GRID2: variants seen among roughly 807,000 people sequenced by gnomAD.
The protein encoded by GRID2 is glutamate ionotropic receptor delta type subunit 2.
GRID2 carries 33 observed loss-of-function variants against 114.8 expected under a neutral mutation model. The ratio of observed to expected loss-of-function variants is 0.29; its 90% CI spans 0.22 to 0.38. The LOEUF is 0.38. GRID2 is among the 10% of genes least tolerant of loss of function. GRID2 has a pLI of 1.00. For missense variants in GRID2, 1,184 were observed against 1,257.7 expected, an observed-to-expected ratio of 0.94 and a Z score of 0.89; for synonymous variants, 505 against 449.9, an observed-to-expected ratio of 1.12 and a Z score of -1.55.
intron 2 of GRID2, among the ~76,000 whole-genome samples, chr4:92,919,567 G>A (rs1206427073): frequency 2.6e-5 from 4 of 152,096 alleles, no homozygotes; most frequent in Non-Finnish European, 5.9e-5. Context: ...GTTCTCATTG[G>A]TTTCAAAGAA....
chr4:93,363,735 C>T (rs1762086531), intron 8 of GRID2, among the ~76,000 whole-genome samples: 1 of 151,948 alleles, frequency 6.6e-6, no homozygotes, highest in Non-Finnish European at 1.5e-5. Context: ...AACAATACTA[C>T]AACAATCTGT....
intron 8 of GRID2, among the ~76,000 whole-genome samples, chr4:93,316,235 T>C (rs562086649): frequency 1.6e-4 from 24 of 147,016 alleles, no homozygotes; most frequent in African/African-American, 3.0e-4. Context: ...CTTGTTGCAT[T>C]TCAACAAGGC....
In GRID2 at chr4:92,963,252, A is replaced by G. The variant is rs530043794; in HGVS notation, c.245-121743A>G. 2.8e-4 allele frequency among the ~76,000 whole-genome samples: 43 copies of G among 152,046 alleles called. No homozygotes were observed. In the South Asian group the frequency reaches 7.9e-3, roughly 28 times the overall value. ...AACAACAATGCAGTTTGCCTTATCA[A>G]TTGCCTCTTTGTTTCACAAAAGATT... is the stretch of plus-strand genomic sequence containing the variant. On this transcript the variant is annotated intron_variant, in intron 2 of 15. Coordinates refer to ENST00000282020, the MANE Select transcript of GRID2 (RefSeq NM_001510.4).
chr4:92,586,942 C>A (rs1019054959), intron 1 of GRID2, among the ~76,000 whole-genome samples: 1 of 151,870 alleles, frequency 6.6e-6, no homozygotes, highest in African/African-American at 2.4e-5. Context: ...TTTCTCCCCC[C>A]ATAAAAGGAA....
At chr4:93,118,772 G>T (rs137906522) in intron 4 of GRID2, among the ~76,000 whole-genome samples, 2 of 152,162 alleles carry the variant, frequency 1.3e-5, no homozygotes, top group Admixed American at 6.6e-5. Flanking sequence ...AGAAACTAAA[G>T]GTTATGATGA....
At chr4:93,375,102 C>G (rs892962486) in intron 8 of GRID2, among the ~76,000 whole-genome samples, 1 of 152,080 alleles carries the variant, frequency 6.6e-6, no homozygotes, top group Admixed American at 6.6e-5. Flanking sequence ...TAAACCGTAA[C>G]CTAATCCATC....
At chr4:93,420,939 G>C (rs970546241) in intron 9 of GRID2, among the ~76,000 whole-genome samples, 2 of 152,000 alleles carry the variant, frequency 1.3e-5, no homozygotes, top group African/African-American at 4.8e-5. Flanking sequence ...ATTTTTAGTA[G>C]AGACGGGGTT....
At chr4:93,761,575 C>CTAG (rs1196435187) in intron 14 of GRID2, among the ~76,000 whole-genome samples, 1 of 152,106 alleles carries the variant, frequency 6.6e-6, no homozygotes, top group Non-Finnish European at 1.5e-5. Context: ...GCTTGCTGAC[C>CTAG]TCTAGTCTAA....
chr4:92,569,643 T>C (rs534477097), intron 1 of GRID2, among the ~76,000 whole-genome samples: 2 of 152,158 alleles, frequency 1.3e-5, no homozygotes, highest in South Asian at 2.1e-4. Flanking sequence ...CTGTTGTTTA[T>C]TGACTTTTTA....
intron 14 of GRID2, among the ~76,000 whole-genome samples, chr4:93,695,844 C>A (rs1245518871): frequency 6.6e-6 from 1 of 152,184 alleles, no homozygotes; most frequent in Non-Finnish European, 1.5e-5. Context: ...ACAATGCTAT[C>A]TTCCTCTTAT....
intron 1 of GRID2, among the ~76,000 whole-genome samples, chr4:92,438,343 T>C (rs1451000899): frequency 6.6e-6 from 1 of 152,124 alleles, no homozygotes; most frequent in Non-Finnish European, 1.5e-5. Context: ...CTGCCAGGAA[T>C]CTCGGAGCAC....
chr4:93,238,985 C>T (rs1261738147), intron 8 of GRID2, among the ~76,000 whole-genome samples: 1 of 150,994 alleles, frequency 6.6e-6, no homozygotes, highest in Non-Finnish European at 1.5e-5. Flanking sequence ...TTGGATACTA[C>T]TGATCACATG....
intron 1 of GRID2, among the ~76,000 whole-genome samples, chr4:92,584,476 T>C (rs1181695428): frequency 6.6e-6 from 1 of 151,982 alleles, no homozygotes. Flanking sequence ...AATCCTACTG[T>C]GACTAATAAA....
intron 1 of GRID2, among the ~76,000 whole-genome samples, chr4:92,432,951 A>T (rs1732537386): frequency 6.6e-6 from 1 of 152,092 alleles, no homozygotes; most frequent in Non-Finnish European, 1.5e-5. Context: ...AGGGCTCTTT[A>T]TTCAGCTGGT....
At chr4:93,553,486 A>G (rs2149548112) in intron 13 of GRID2, among the ~76,000 whole-genome samples, 1 of 152,262 alleles carries the variant, frequency 6.6e-6, no homozygotes, top group Admixed American at 6.5e-5. Context: ...TATTCCTCTC[A>G]GCTGTGTGTA....
intron 14 of GRID2, among the ~76,000 whole-genome samples, chr4:93,761,413 G>A (rs1733196213): frequency 6.6e-6 from 1 of 152,076 alleles, no homozygotes; most frequent in Non-Finnish European, 1.5e-5. Flanking sequence ...AGGTCATTCT[G>A]GCAGCTTGCC....
chr4:93,432,188 T>C (rs1359467066), intron 10 of GRID2, among the ~76,000 whole-genome samples: 1 of 152,184 alleles, frequency 6.6e-6, no homozygotes, highest in Non-Finnish European at 1.5e-5. Context: ...TGGAGGTTTA[T>C]ATGAAACTGA....
At chr4:92,863,528 C>T (rs1023572371) in intron 2 of GRID2, among the ~76,000 whole-genome samples, 1 of 152,128 alleles carries the variant, frequency 6.6e-6, no homozygotes, top group Non-Finnish European at 1.5e-5. Flanking sequence ...TGCTCATCTA[C>T]TCTTCAAATA....
intron 2 of GRID2, among the ~76,000 whole-genome samples, chr4:92,943,680 C>G (rs1261654684): frequency 1.3e-5 from 2 of 152,144 alleles, no homozygotes; most frequent in Non-Finnish European, 2.9e-5. Flanking sequence ...TCCAGTTTTT[C>G]TGCTCTGTTT....
Sources: gnomAD v4.1 joint callset for allele counts (sites outside exome capture counted in the v4.1 genomes callset) on GRCh38, gnomAD v4.1.1 for gene constraint, MANE v1.5 for transcripts, NCBI Gene and HGNC (gene_info 2026-07-23, HGNC 2026-07-21) for gene names.